SPOCK3: variants seen among roughly 807,000 people sequenced by gnomAD.
SPOCK3 encodes the protein SPARC (osteonectin), cwcv and kazal like domains proteoglycan 3.
In SPOCK3, 30 loss-of-function variants were observed where a neutral mutation model predicts 56.6. The observed-to-expected ratio is 0.53, with a 90% confidence interval of 0.40 to 0.72. The LOEUF (loss-of-function observed/expected upper bound fraction) is 0.72. SPOCK3 is among the 30% of genes least tolerant of loss of function. SPOCK3 has a pLI of 0.00. For missense variants in SPOCK3, 527 were observed against 530.0 expected (o/e 0.99, Z 0.06); for synonymous variants, 196 against 183.3 (o/e 1.07, Z -0.56).
At chr4:167,171,752 T>C (rs1209093792) in intron 2 of SPOCK3, among the ~76,000 whole-genome samples, 1 of 152,062 alleles carries the variant, frequency 6.6e-6, no homozygotes, top group Non-Finnish European at 1.5e-5. Context: ...ATGGCATAAT[T>C]TTCCTTAACA....
At chr4:166,780,888 G>T (rs556858434) in intron 7 of SPOCK3, among the ~76,000 whole-genome samples, 1 of 152,230 alleles carries the variant, frequency 6.6e-6, no homozygotes, top group East Asian at 1.9e-4. Context: ...CAGTTGCAAA[G>T]GAAAAATCAA....
intron 3 of SPOCK3, among the ~76,000 whole-genome samples, chr4:167,041,018 G>A (rs752069784): frequency 2.6e-5 from 4 of 152,114 alleles, no homozygotes; most frequent in Non-Finnish European, 4.4e-5. Flanking sequence ...GGATAGAGCC[G>A]GGCTCACTGG....
intron 3 of SPOCK3, among the ~76,000 whole-genome samples, chr4:167,008,467 T>C (rs954919506): frequency 2.6e-5 from 4 of 152,100 alleles, no homozygotes; most frequent in Non-Finnish European, 5.9e-5. Context: ...ATGTAAGTCT[T>C]ACATATTTAG....
chr4:167,105,703 A>T (rs972890535), intron 2 of SPOCK3, among the ~76,000 whole-genome samples: 2 of 151,788 alleles, frequency 1.3e-5, no homozygotes, highest in African/African-American at 2.4e-5. Flanking sequence ...TGAATGGATT[A>T]AAAAAATTAA....
At chr4:166,909,126 T>C (rs1736968063) in intron 5 of SPOCK3, among the ~76,000 whole-genome samples, 1 of 152,132 alleles carries the variant, frequency 6.6e-6, no homozygotes, top group African/African-American at 2.4e-5. Flanking sequence ...CCAAGATTTT[T>C]TCAAGTAAGC....
intron 5 of SPOCK3, among the ~76,000 whole-genome samples, chr4:166,895,441 T>G (rs1735270624): frequency 1.4e-5 from 1 of 70,838 alleles, no homozygotes; most frequent in South Asian, 5.6e-4. Context: ...AGGGATGCAT[T>G]GTAAAAAAAG....
At chr4:167,223,847 C>T (rs1736321854) in intron 2 of SPOCK3, among the ~76,000 whole-genome samples, 18 of 151,860 alleles carry the variant, frequency 1.2e-4, no homozygotes, top group Admixed American at 1.2e-3. Flanking sequence ...TATTAAAGTG[C>T]TTGTTATTAT....
At chr4:166,846,797 C>T (rs1203105129) in intron 6 of SPOCK3, among the ~76,000 whole-genome samples, 3 of 151,966 alleles carry the variant, frequency 2.0e-5, no homozygotes, top group African/African-American at 2.4e-5. Context: ...AATAGCCTAA[C>T]AGAATATTGT....
At chr4:166,791,295 T>C (rs1368984431) in intron 7 of SPOCK3, among the ~76,000 whole-genome samples, 1 of 152,194 alleles carries the variant, frequency 6.6e-6, no homozygotes, top group Non-Finnish European at 1.5e-5. Context: ...CAGAGGATTA[T>C]CTTACTACAC....
intron 4 of SPOCK3, among the ~76,000 whole-genome samples, chr4:166,993,646 A>T (rs988857934): frequency 5.9e-5 from 9 of 152,134 alleles, no homozygotes; most frequent in South Asian, 2.1e-4. Context: ...TATGATCATG[A>T]CAGGAGTAAA....
intron 5 of SPOCK3, among the ~76,000 whole-genome samples, chr4:166,894,999 T>G (rs1333822345): frequency 6.6e-6 from 1 of 152,120 alleles, no homozygotes; most frequent in African/African-American, 2.4e-5. Flanking sequence ...GTAATAAATT[T>G]TAAAAATGGA....
intron 2 of SPOCK3, among the ~76,000 whole-genome samples, chr4:167,069,759 T>C (rs1403589377): frequency 6.6e-6 from 1 of 151,998 alleles, no homozygotes; most frequent in Non-Finnish European, 1.5e-5. Flanking sequence ...ACTGAGTACC[T>C]GATGCTAAAT....
chr4:166,999,784 C>G (rs1232311571), intron 4 of SPOCK3, among the ~76,000 whole-genome samples: 1 of 152,062 alleles, frequency 6.6e-6, no homozygotes, highest in Admixed American at 6.6e-5. Flanking sequence ...AGAAGCAGTG[C>G]TGGTTGTTAT....
Position 166,927,547 on chromosome 4 carries a change from A to G in SPOCK3, c.351-14804T>C, listed in dbSNP as rs867089911. ...CATGAAAACAGATGAATACACCCATAAAGTTGTCACACTCTTCACAAAATG... is the reference window on the plus strand; with the variant it reads ...CATGAAAACAGATGAATACACCCATGAAGTTGTCACACTCTTCACAAAATG... On this transcript the variant is annotated intron_variant, in intron 4 of 10. Transcript: ENST00000357545. Among the ~76,000 whole-genome samples, 7 of 152,300 alleles carry G rather than the reference A, an allele frequency of 4.6e-5. No homozygotes were observed. In the Middle Eastern group the frequency reaches 0.014, roughly 296 times the overall value.
intron 6 of SPOCK3, among the ~76,000 whole-genome samples, chr4:166,811,085 CCTCTT>C (rs1743721547): frequency 6.6e-6 from 1 of 151,602 alleles, no homozygotes; most frequent in South Asian, 2.1e-4. Context: ...CTTGTATTAT[CCTCTT>C]CTCTATAAAC....
In SPOCK3 at chr4:167,034,282, G is replaced by C. The variant is rs563305961; in HGVS notation, c.235+28210C>G. ...ATTCTGAAACAAGATATTAGACTTA[G>C]AAATTAGAGATAAAATTTGAGTCCA... On this transcript the variant is annotated intron_variant, in intron 3 of 10. Coordinates refer to ENST00000357545, the MANE Select transcript of SPOCK3 (RefSeq NM_001040159.2). Among the ~76,000 whole-genome samples, 4 of 151,464 alleles carry C rather than the reference G, an allele frequency of 2.6e-5. No individual in the cohort carries two copies. In the South Asian group the frequency reaches 8.3e-4, roughly 31 times the overall value.
At chr4:167,222,004 A>G (rs1270592535) in intron 2 of SPOCK3, among the ~76,000 whole-genome samples, 1 of 152,204 alleles carries the variant, frequency 6.6e-6, no homozygotes, top group African/African-American at 2.4e-5. Flanking sequence ...ATATTTGCAT[A>G]CCTATGTTCA....
chr4:167,145,480 A>T (rs765283004), intron 2 of SPOCK3, among the ~76,000 whole-genome samples: 9 of 152,038 alleles, frequency 5.9e-5, no homozygotes, highest in Non-Finnish European at 1.2e-4. Context: ...ATGAGTTGTC[A>T]TGAGTAAGGC....
chr4:166,753,059 AAATATTG>A (rs1215655192), intron 8 of SPOCK3, among the ~76,000 whole-genome samples: 2 of 152,064 alleles, frequency 1.3e-5, no homozygotes, highest in African/African-American at 4.8e-5. Context: ...TCAATCCTGC[AAATATTG>A]CTACAAAACC....
Sources: allele counts gnomAD v4.1 joint callset (sites outside exome capture counted in the v4.1 genomes callset), GRCh38; gene constraint gnomAD v4.1.1; transcripts MANE v1.5; gene names NCBI Gene and HGNC (gene_info 2026-07-23, HGNC 2026-07-21).